The following GRID2 variants were observed in gnomAD, a reference collection of about 807,000 sequenced individuals.
GRID2 encodes glutamate receptor ionotropic, delta-2.
GRID2 carries 33 observed loss-of-function variants against 114.8 expected under a neutral mutation model. That is an observed-to-expected ratio of 0.29 (90% confidence interval 0.22 to 0.38). GRID2 has a LOEUF of 0.38. GRID2 is among the 10% of genes least tolerant of loss of function. GRID2 has a pLI of 1.00. For synonymous variants in GRID2, 505 were observed against 449.9 expected (o/e 1.12, Z -1.55); for missense variants, 1,184 against 1,257.7 (o/e 0.94, Z 0.89).
intron 4 of GRID2, among the ~76,000 whole-genome samples, chr4:93,124,868 A>G (rs1021522941): frequency 6.6e-6 from 1 of 152,146 alleles, no homozygotes; most frequent in African/African-American, 2.4e-5. Context: ...AGCATATAAG[A>G]AGGTTAAAAA....
intron 1 of GRID2, among the ~76,000 whole-genome samples, chr4:92,554,248 C>T (rs535988428): frequency 2.0e-5 from 3 of 152,084 alleles, no homozygotes; most frequent in African/African-American, 2.4e-5. Flanking sequence ...CATTTATGAG[C>T]GGCAGTAAAC....
chr4:93,624,497 T>C (rs778097217), intron 13 of GRID2, among the ~76,000 whole-genome samples: 4 of 152,200 alleles, frequency 2.6e-5, no homozygotes, highest in Non-Finnish European at 5.9e-5. Flanking sequence ...ATTTTTTTTC[T>C]TCCTGGTTTA....
intron 1 of GRID2, among the ~76,000 whole-genome samples, chr4:92,509,805 C>T (rs901504800): frequency 2.6e-5 from 4 of 151,816 alleles, no homozygotes; most frequent in South Asian, 2.1e-4. Context: ...GCAGCATGCT[C>T]GGTATATTGT....
intron 2 of GRID2, among the ~76,000 whole-genome samples, chr4:92,798,003 T>C (rs1739974211): frequency 6.6e-6 from 1 of 152,026 alleles, no homozygotes; most frequent in African/African-American, 2.4e-5. Context: ...GCCTGCTTCC[T>C]TGAATTTACT....
chr4:92,349,039 T>C (rs1446682374), intron 1 of GRID2, among the ~76,000 whole-genome samples: 1 of 151,858 alleles, frequency 6.6e-6, no homozygotes, highest in Non-Finnish European at 1.5e-5. Context: ...TGATTAATTG[T>C]AATGGGAAGA....
intron 4 of GRID2, among the ~76,000 whole-genome samples, chr4:93,200,662 A>G (rs1377476041): frequency 8.5e-5 from 13 of 152,202 alleles, no homozygotes. Flanking sequence ...TTTTGTGGAA[A>G]TATTTTCCTC....
intron 12 of GRID2, among the ~76,000 whole-genome samples, chr4:93,503,898 G>A (rs1728379877): frequency 1.3e-5 from 2 of 152,038 alleles, no homozygotes; most frequent in South Asian, 4.1e-4. Context: ...TGTATCTTTT[G>A]CATTTGGAAA....
At chr4:92,528,950 A>C (rs1464093264) in intron 1 of GRID2, among the ~76,000 whole-genome samples, 3 of 152,070 alleles carry the variant, frequency 2.0e-5, no homozygotes, top group African/African-American at 7.2e-5. Flanking sequence ...TATACAGCAG[A>C]GTAATCTCCT....
chr4:93,590,683 A>T (rs1208312398), intron 13 of GRID2, among the ~76,000 whole-genome samples: 1 of 152,188 alleles, frequency 6.6e-6, no homozygotes, highest in Non-Finnish European at 1.5e-5. Context: ...CTTCCTACCC[A>T]TGAGCATGGA....
intron 8 of GRID2, among the ~76,000 whole-genome samples, chr4:93,242,607 A>G (rs546001630): frequency 6.6e-6 from 1 of 152,178 alleles, no homozygotes; most frequent in South Asian, 2.1e-4. Context: ...TAACAGAGAC[A>G]AAGTATGGCT....
At chr4:93,778,507 G>A (rs1006705484), downstream of GRID2, among the ~76,000 whole-genome samples, 4 of 145,996 alleles carry the variant, frequency 2.7e-5, no homozygotes, top group African/African-American at 1.0e-4. Flanking sequence ...GGCAATTCTC[G>A]TGCCTCAGCC....
chr4:93,682,089 T>A (rs1422518111), intron 14 of GRID2, among the ~76,000 whole-genome samples: 4,411 of 150,812 alleles, frequency 0.029, 132 homozygotes, highest in African/African-American at 0.06. Flanking sequence ...TACAAGAAAA[T>A]AACAAACAAC....
chr4:92,939,997 C>G (rs376113920), intron 2 of GRID2, among the ~76,000 whole-genome samples: 1 of 147,006 alleles, frequency 6.8e-6, no homozygotes, highest in South Asian at 2.3e-4. Context: ...AGTCAGGTAG[C>G]GTGATGCCTC....
At chr4:93,538,841 TAAATG>T (rs1416466482) in intron 13 of GRID2, among the ~76,000 whole-genome samples, 1 of 151,016 alleles carries the variant, frequency 6.6e-6, no homozygotes, top group East Asian at 1.9e-4. Context: ...ACATAACAAC[TAAATG>T]TAATGTTTGA....
chr4:92,754,522 G>T (rs1033849037), intron 2 of GRID2, among the ~76,000 whole-genome samples: 3 of 152,100 alleles, frequency 2.0e-5, no homozygotes, highest in African/African-American at 7.2e-5. Flanking sequence ...TTGTGAAATG[G>T]CAGTGATGAT....
intron 13 of GRID2, among the ~76,000 whole-genome samples, chr4:93,614,746 AC>A (rs1560821303): frequency 2.6e-5 from 4 of 151,912 alleles, no homozygotes; most frequent in African/African-American, 9.7e-5. Context: ...CTTTGCTGAC[AC>A]CGTGCTGGAT....
chr4:92,789,157 C>A (rs1197758592), intron 2 of GRID2, among the ~76,000 whole-genome samples: 7 of 151,784 alleles, frequency 4.6e-5, no homozygotes, highest in African/African-American at 1.7e-4. Flanking sequence ...CCTTGAGAAA[C>A]CTAGTTTTAG....
At chr4:93,176,579 C>T (rs1401766552) in intron 4 of GRID2, among the ~76,000 whole-genome samples, 1 of 152,142 alleles carries the variant, frequency 6.6e-6, no homozygotes, top group Non-Finnish European at 1.5e-5. Context: ...ATTAAAATTT[C>T]TAATGCACTT....
chr4:93,353,309 C>G (rs560837170), intron 8 of GRID2, among the ~76,000 whole-genome samples: 1 of 151,892 alleles, frequency 6.6e-6, no homozygotes, highest in African/African-American at 2.4e-5. Flanking sequence ...TACCAGGAAC[C>G]CTGGAAAAAT....
Sources: allele counts gnomAD v4.1 joint callset (sites outside exome capture counted in the v4.1 genomes callset), GRCh38; gene constraint gnomAD v4.1.1; transcripts MANE v1.5; gene names NCBI Gene and HGNC (gene_info 2026-07-23, HGNC 2026-07-21).